The following SLC6A3 variants were observed in gnomAD, a reference collection of about 807,000 sequenced individuals.
The protein encoded by SLC6A3 is solute carrier family 6 member 3.
A neutral mutation model predicts 70.4 loss-of-function variants in SLC6A3; 19 were observed. The observed-to-expected ratio is 0.27, with a 90% confidence interval of 0.19 to 0.40. The LOEUF (loss-of-function observed/expected upper bound fraction) is 0.40. SLC6A3 is among the 10% of genes least tolerant of loss of function. The pLI is 1.00. For synonymous variants in SLC6A3, 368 were observed against 356.6 expected, an observed-to-expected ratio of 1.03 and a Z score of -0.36; for missense variants, 613 against 838.5, an observed-to-expected ratio of 0.73 and a Z score of 3.32.
At position 1,407,032 on chromosome 5, in the gene SLC6A3, A is replaced by C. The variant is rs532049855; in HGVS notation, c.1499-744T>G. Among the ~76,000 whole-genome samples the C allele has an allele frequency of 9.2e-5, 14 of 152,356 alleles. No homozygotes were observed. In the East Asian group the frequency reaches 2.5e-3, roughly 27 times the overall value. On this transcript the variant is annotated intron_variant, in intron 11 of 14. Transcript: ENST00000270349. ...AGTATACCGTCACTGTGTCTTCAGAAAAGCTATTTCTAGAAACATAATAAA... is the reference window on the plus strand; with the variant it reads ...AGTATACCGTCACTGTGTCTTCAGACAAGCTATTTCTAGAAACATAATAAA...
Position 1,441,456 on chromosome 5 carries a change from G to A in SLC6A3, c.321C>T (p.Val107=). The A allele has an allele frequency of 6.2e-7, 1 of 1,614,226 alleles. No individual in the cohort carries two copies. The highest frequency in any genetic ancestry group is 8.5e-7 in the Non-Finnish European group (1 of 1,180,036). Residue 107 remains valine (V), a synonymous_variant, in exon 3 of 15, where the codon GTC becomes GTT. Coordinates refer to ENST00000270349, the MANE Select transcript of SLC6A3 (RefSeq NM_001044.5). ...AFLVPYLLFM[V]IAGMPLFYME... is the part of the protein sequence containing the mutation. ...TGTAGAAAAGTGGCATCCCAGCAATGACCATGAAGAGCAGGTAGGGGACCA... is the reference window on the plus strand; with the variant it reads ...TGTAGAAAAGTGGCATCCCAGCAATAACCATGAAGAGCAGGTAGGGGACCA...
intron 6 of SLC6A3, among the ~76,000 whole-genome samples, chr5:1,417,978 C>T (rs1292277494): frequency 6.6e-6 from 1 of 152,244 alleles, no homozygotes; most frequent in Admixed American, 6.5e-5. Context: ...AGCCTCAAGG[C>T]AACCCCAGTT....
chr5:1,393,695 G>A lies in SLC6A3; in HGVS notation c.*1040C>T, dbSNP rs1342302202. ...CTGCATGCGTCCTGGGGTAGTACAC[G>A]CTCCTGTGGGGGCCCTGCATGCGTC... On this transcript the variant is annotated 3_prime_UTR_variant, in exon 15 of 15. Coordinates refer to ENST00000270349, the MANE Select transcript of SLC6A3 (RefSeq NM_001044.5). 3 of 145,076 alleles carry A rather than the reference G, an allele frequency of 2.1e-5. No individual in the cohort carries two copies. Among genetic ancestry groups the A allele is most frequent in the East Asian group, 2.1e-4 (1 of 4,870 alleles). 9.0% of individuals were successfully genotyped at this position (145,076 alleles called of 1,614,324 possible).
Position 1,432,508 on chromosome 5 carries a change from G to A in SLC6A3, c.609C>T (p.Gly203=). 1 of 1,614,226 alleles carries A rather than the reference G, an allele frequency of 6.2e-7. No individual in the cohort carries two copies. Among genetic ancestry groups the A allele is most frequent in the Non-Finnish European group, 8.5e-7 (1 of 1,180,022 alleles). Residue 203 remains glycine (G), a synonymous_variant, in exon 4 of 15, where the codon GGC becomes GGT. Transcript: ENST00000270349. ...GTGTGGTCCCAAAAGTGTCGTTGAGGCCCGAGCTGTCTCCACTGGAGTCAC... is the reference window on the plus strand; with the variant it reads ...GTGTGGTCCCAAAAGTGTCGTTGAGACCCGAGCTGTCTCCACTGGAGTCAC... The part of the protein sequence containing the change: ...HPGDSSGDSS[G]LNDTFGTTPA...
chr5:1,416,028 C>G, intron 7 of SLC6A3, 70 bp downstream of exon 7: 1 of 1,192,922 alleles, frequency 8.4e-7, no homozygotes, highest in Non-Finnish European at 1.3e-6. Flanking sequence ...CAGGGACACC[C>G]TATTTCTGGA....
At chr5:1,423,205 T>C (rs369412816) in intron 4 of SLC6A3, among the ~76,000 whole-genome samples, 841 of 29,796 alleles carry the variant, frequency 0.028, 93 homozygotes, top group Middle Eastern at 0.062. Context: ...GTGCTGCCCA[T>C]GGTGCTGGGT....
chr5:1,433,939 C>A (rs1560924172), intron 3 of SLC6A3, among the ~76,000 whole-genome samples: 1 of 152,142 alleles, frequency 6.6e-6, no homozygotes, highest in Admixed American at 6.5e-5. Context: ...CCACAGCCAT[C>A]TACAGACATC....
In SLC6A3 at chr5:1,403,055, G is replaced by A. The variant is rs1262730650; in HGVS notation, c.1634C>T (p.Pro545Leu). 1 of 1,613,868 alleles carries A rather than the reference G, an allele frequency of 6.2e-7. No homozygotes were observed. The highest frequency in any genetic ancestry group is 1.7e-5 in the Admixed American group (1 of 60,022). ...VVVVSIVTFR[P>L]PHYGAYIFPD... ...GAAGATGTAGGCTCCGTAGTGGGGG[G>A]GTCTGAAGGTCACAATGCTGACCAC... is the stretch of plus-strand genomic sequence containing the variant. The change falls in exon 13 of 15, where the codon CCC becomes CTC. Residue 545 changes from proline to leucine, a missense_variant. Pro to Leu is a moderately conservative substitution (Grantham distance 98). Transcript: ENST00000270349.
chr5:1,420,779 G>A lies in SLC6A3; in HGVS notation c.793-76C>T, dbSNP rs2963251. 6,232 of 1,535,714 alleles carry A rather than the reference G, an allele frequency of 4.1e-3. 205 individuals are homozygous for A. In the African/African-American group the frequency reaches 0.072, roughly 18 times the overall value. On this transcript the variant is annotated intron_variant, in intron 5 of 14. Coordinates refer to ENST00000270349, the MANE Select transcript of SLC6A3 (RefSeq NM_001044.5). ...GAGCAGACACTGGCACAAGGGCACC[G>A]GGTTGCCCTGACGGCTTGTCCTCTG...
In SLC6A3 at chr5:1,408,470, G is replaced by A. The variant is rs1228043153; in HGVS notation, c.1498+556C>T. 6.6e-6 allele frequency among the ~76,000 whole-genome samples: 1 copy of A among 152,078 alleles called. No homozygotes were observed. Among genetic ancestry groups the A allele is most frequent in the Non-Finnish European group, 1.5e-5 (1 of 68,014 alleles). On this transcript the variant is annotated intron_variant, in intron 11 of 14. Transcript: ENST00000270349. The surrounding 1 kb of genome is among the most constrained non-coding windows in gnomAD (Gnocchi z 6.4). ...GAACTAAGGGGAGTCGAGGTGACTT[G>A]GCCAGGTCAGCATGTGGGGAAAGGG...
At chr5:1,425,706 A>G (rs1246795997) in intron 4 of SLC6A3, among the ~76,000 whole-genome samples, 1 of 152,236 alleles carries the variant, frequency 6.6e-6, no homozygotes, top group Non-Finnish European at 1.5e-5. Flanking sequence ...GGATGCTATC[A>G]ACAGAGTAAA....
rs550441051 is a variant in SLC6A3 at position 1,413,975 on chromosome 5, C to T, written c.1156+716G>A. 7.9e-5 allele frequency among the ~76,000 whole-genome samples: 12 copies of T among 152,264 alleles called. No homozygotes were observed. Among genetic ancestry groups the T allele is most frequent in the South Asian group, 4.1e-4 (2 of 4,822 alleles). On this transcript the variant is annotated intron_variant, in intron 8 of 14. Coordinates refer to ENST00000270349, the MANE Select transcript of SLC6A3 (RefSeq NM_001044.5). The surrounding 1 kb of genome is among the most constrained non-coding windows in gnomAD (Gnocchi z 7.1). ...CCCCCACCACTCACCTGTGCCTGCC[C>T]GAGACCTGGACCCCTCCCCACCCTC...
chr5:1,415,635 G>A (rs1345016688), intron 7 of SLC6A3, among the ~76,000 whole-genome samples: 1 of 152,218 alleles, frequency 6.6e-6, no homozygotes, highest in Non-Finnish European at 1.5e-5. Flanking sequence ...TTTTTAGAAG[G>A]ATTTGGGGTC....
chr5:1,417,646 C>A (rs1431843450), intron 6 of SLC6A3, among the ~76,000 whole-genome samples: 1 of 152,244 alleles, frequency 6.6e-6, no homozygotes, highest in Non-Finnish European at 1.5e-5. Context: ...AAGGTGAGGG[C>A]ACTGCGGAGA....
At chr5:1,433,597 A>G (rs1433376953) in intron 3 of SLC6A3, among the ~76,000 whole-genome samples, 1 of 151,996 alleles carries the variant, frequency 6.6e-6, no homozygotes, top group Non-Finnish European at 1.5e-5. Context: ...ACAACCATCC[A>G]TCCATCCACA....
rs1405663855 is a variant in SLC6A3 at position 1,411,130 on chromosome 5, C to T, written c.1269+113G>A. The T allele has an allele frequency of 1.7e-5, 13 of 757,846 alleles. No homozygotes were observed. The highest frequency in any genetic ancestry group is 4.0e-5 in the Admixed American group (2 of 49,940). The allele number at this position is 757,846 out of a possible 1,614,324, so 46.9% of individuals were successfully genotyped here. On this transcript the variant is annotated intron_variant, in intron 9 of 14. Coordinates refer to ENST00000270349, the MANE Select transcript of SLC6A3 (RefSeq NM_001044.5). This position sits in a 1 kb window ranked among gnomAD's most constrained non-coding sequence, Gnocchi z 6.5. ...CTCGCCCAAGTCAAGGACAGGAGGT[C>T]TGGGGGCCGTACGTGAGCCCAGGGA... is the stretch of plus-strand genomic sequence containing the variant.
intron 14 of SLC6A3, among the ~76,000 whole-genome samples, chr5:1,399,938 T>C (rs2126316877): frequency 6.6e-6 from 1 of 152,250 alleles, no homozygotes; most frequent in South Asian, 2.1e-4. Context: ...TCCTGCCCCA[T>C]GTGCAGGTCC....
At position 1,416,097 on chromosome 5, in the gene SLC6A3, C is replaced by A; in HGVS notation, c.1031+1G>T. ...CCTGCCTGGCCCTGCTAGGGGCTCA[C>A]CTGTAGCAGTTGTTGGTGAACTTGT... On this transcript the variant is annotated splice_donor_variant, in intron 7 of 14. Coordinates refer to ENST00000270349, the MANE Select transcript of SLC6A3 (RefSeq NM_001044.5). LOFTEE classifies it high-confidence loss of function. The A allele has an allele frequency of 1.9e-6, 3 of 1,612,664 alleles. No individual in the cohort carries two copies. The highest frequency in any genetic ancestry group is 2.5e-6 in the Non-Finnish European group (3 of 1,178,706).
chr5:1,400,500 G>A lies in SLC6A3; in HGVS notation c.1839+415C>T, dbSNP rs532062552. 3.8e-4 allele frequency among the ~76,000 whole-genome samples: 58 copies of A among 152,238 alleles called. No individual in the cohort carries two copies. The South Asian group carries it at 0.012, about 30-fold the overall frequency. Reference sequence around the variant, plus strand: ...CCAGGCCTCTCCCAGCCCCTCCAGGGCTCCCTGTGGCTTCCCATGGCCAGG... The same window carrying A: ...CCAGGCCTCTCCCAGCCCCTCCAGGACTCCCTGTGGCTTCCCATGGCCAGG... On this transcript the variant is annotated intron_variant, in intron 14 of 14. Coordinates refer to ENST00000270349, the MANE Select transcript of SLC6A3 (RefSeq NM_001044.5).
Sources: allele counts gnomAD v4.1 joint callset (sites outside exome capture counted in the v4.1 genomes callset), GRCh38; gene constraint gnomAD v4.1.1; non-coding constraint Gnocchi (gnomAD v3.1); transcripts MANE v1.5; gene names NCBI Gene and HGNC (gene_info 2026-07-23, HGNC 2026-07-21).